Variants in PCDHA7 observed in about 807,000 individuals in gnomAD.
PCDHA7 encodes protocadherin alpha 7, also known as protocadherin alpha-7.
Under a neutral mutation model 57.2 loss-of-function variants are expected in PCDHA7, and 37 were observed. The ratio of observed to expected loss-of-function variants is 0.65; its 90% CI spans 0.50 to 0.85. The LOEUF is 0.85. Among genes scored for constraint, PCDHA7 ranks in the 40% least tolerant of loss-of-function variants. The probability of loss-of-function intolerance (pLI) is 0.00; values close to 1 mark genes in which losing one functional copy is unlikely to be tolerated. For missense variants in PCDHA7, 1,188 were observed against 1,241.8 expected, an observed-to-expected ratio of 0.96 and a Z score of 0.65; for synonymous variants, 553 against 558.8, an observed-to-expected ratio of 0.99 and a Z score of 0.15.
At chr5:140,935,570 T>C (rs2090442737) in intron 1 of PCDHA7, among the ~76,000 whole-genome samples, 1 of 152,236 alleles carries the variant, frequency 6.6e-6, no homozygotes, top group South Asian at 2.1e-4. Context: ...TTCCTCTCTG[T>C]GTAGTTAAGC....
chr5:140,944,301 C>T (rs1320988632), intron 1 of PCDHA7, among the ~76,000 whole-genome samples: 1 of 152,176 alleles, frequency 6.6e-6, no homozygotes, highest in Non-Finnish European at 1.5e-5. Flanking sequence ...GATCCTCCTA[C>T]CTCAGCCTCC....
intron 1 of PCDHA7, chr5:140,850,407 G>C: frequency 6.3e-7 from 1 of 1,597,938 alleles, no homozygotes; most frequent in Non-Finnish European, 8.6e-7. Context: ...GCGTGCCCTG[G>C]ACGAAACGGA....
intron 2 of PCDHA7, 29 bp downstream of exon 2, chr5:140,979,036 A>G: frequency 6.2e-7 from 1 of 1,613,064 alleles, no homozygotes. Context: ...ATTCACTCAG[A>G]AGTAACCTTA....
chr5:140,934,625 A>G (rs1554210030), intron 1 of PCDHA7, among the ~76,000 whole-genome samples: 1 of 152,116 alleles, frequency 6.6e-6, no homozygotes, highest in Non-Finnish European at 1.5e-5. Context: ...GGTACAGTTC[A>G]CACAGGAAAG....
rs2150239805 is a variant in PCDHA7, at chr5:140,835,628, C to T, written c.1245C>T (p.Arg415=). The change falls in exon 1 of 4, where the codon CGC becomes CGT. Residue 415 remains arginine (R), a synonymous_variant. Transcript: ENST00000525929. ...YSLVLDSALD[R]ESVSAYELVV... ...TGGTGCTGGACAGCGCTCTGGACCG[C>T]GAGAGTGTGTCCGCCTATGAGCTGG... 6.2e-7 allele frequency: 1 copy of T among 1,613,890 alleles called. No individual in the cohort carries two copies. The highest frequency in any genetic ancestry group is 1.7e-5 in the Admixed American group (1 of 60,014).
intron 1 of PCDHA7, among the ~76,000 whole-genome samples, chr5:140,950,403 A>C (rs2094477208): frequency 6.6e-6 from 1 of 151,818 alleles, no homozygotes; most frequent in Admixed American, 6.6e-5. Flanking sequence ...ATTCTGGGGG[A>C]TTGACAGATT....
At chr5:140,943,650 C>A (rs2093540673) in intron 1 of PCDHA7, among the ~76,000 whole-genome samples, 1 of 151,974 alleles carries the variant, frequency 6.6e-6, no homozygotes, top group African/African-American at 2.4e-5. Flanking sequence ...ATAAAACCAT[C>A]TATGAACAAT....
At chr5:140,842,230 G>A in intron 1 of PCDHA7, 1 of 1,612,910 alleles carries the variant, frequency 6.2e-7, no homozygotes, top group Non-Finnish European at 8.5e-7. Context: ...GAGAAATAGT[G>A]ATTCGGGGTA....
At chr5:140,978,798 G>T (rs1249216156) in intron 1 of PCDHA7, 151 bp from the exon 2 acceptor site, 2 of 1,477,414 alleles carry the variant, frequency 1.4e-6, no homozygotes, top group Admixed American at 2.3e-5. Context: ...TATATATGTA[G>T]ATATCATCAT....
At chr5:140,968,442 T>C in intron 1 of PCDHA7, 1 of 1,614,068 alleles carries the variant, frequency 6.2e-7, no homozygotes, top group Non-Finnish European at 8.5e-7. Flanking sequence ...AGCCCACCAC[T>C]GAGCAGCACT....
At chr5:140,858,788 T>C (rs528259521) in intron 1 of PCDHA7, 5 of 390,400 alleles carry the variant, frequency 1.3e-5, no homozygotes, top group Middle Eastern at 1.4e-3. Flanking sequence ...TCATGTTATT[T>C]CATTTCCAAT....
chr5:140,927,218 A>T, intron 1 of PCDHA7: 1 of 1,614,090 alleles, frequency 6.2e-7, no homozygotes, highest in Non-Finnish European at 8.5e-7. Flanking sequence ...GAGCTGCACA[A>T]GATTCGGATT....
chr5:140,885,965 A>C (rs2060792569), intron 1 of PCDHA7, among the ~76,000 whole-genome samples: 1 of 152,070 alleles, frequency 6.6e-6, no homozygotes, highest in African/African-American at 2.4e-5. Context: ...TTTTATTTTG[A>C]GATAATTATA....
chr5:140,876,743 T>G, intron 1 of PCDHA7: 5 of 1,614,200 alleles, frequency 3.1e-6, no homozygotes, highest in Non-Finnish European at 4.2e-6. Flanking sequence ...TATGAGCTGG[T>G]GGTGACTGCG....
intron 1 of PCDHA7, chr5:140,861,164 C>G (rs2046783856): frequency 6.4e-6 from 1 of 156,700 alleles, no homozygotes; most frequent in African/African-American, 2.4e-5. Flanking sequence ...CAAAAGGTCT[C>G]AGAGGAACTA....
intron 1 of PCDHA7, chr5:140,927,118 G>T (rs2083863389): frequency 6.2e-7 from 1 of 1,613,946 alleles, no homozygotes; most frequent in East Asian, 2.2e-5. Context: ...CGGCAATTTG[G>T]TGGTCAGAGA....
chr5:140,902,191 C>G (rs1218204978), intron 1 of PCDHA7, among the ~76,000 whole-genome samples: 1 of 147,360 alleles, frequency 6.8e-6, no homozygotes, highest in Non-Finnish European at 1.5e-5. Context: ...TGTCTTCTCT[C>G]TCTCTCTCTT....
intron 1 of PCDHA7, chr5:140,841,823 T>C (rs1554138571): frequency 1.9e-6 from 3 of 1,613,930 alleles, no homozygotes; most frequent in Non-Finnish European, 2.5e-6. Context: ...TAACTCCGTG[T>C]TAACCTACAG....
rs139887265 is a variant in PCDHA7, at chr5:140,849,821, T to C, written c.2355+13083T>C. The C allele has an allele frequency of 1.1e-5, 18 of 1,598,172 alleles. 3 individuals carry two copies. Among genetic ancestry groups the C allele is most frequent in the African/African-American group, 4.0e-5 (3 of 74,350 alleles). ...CACTGTGGGCCACGGCCAGGGTGTCTGTGGAGGTGGCCGACGTGAACGACA... is the reference window on the plus strand; with the variant it reads ...CACTGTGGGCCACGGCCAGGGTGTCCGTGGAGGTGGCCGACGTGAACGACA... On this transcript the variant is annotated intron_variant, in intron 1 of 3. Transcript: ENST00000525929.
Sources: gnomAD v4.1 joint callset for allele counts (sites outside exome capture counted in the v4.1 genomes callset) on GRCh38, gnomAD v4.1.1 for gene constraint, MANE v1.5 for transcripts, NCBI Gene and HGNC (gene_info 2026-07-23, HGNC 2026-07-21) for gene names.